Variants in ACY1 observed in about 807,000 individuals in gnomAD.
ACY1 encodes the protein aminoacylase-1.
Under a neutral mutation model 53.3 loss-of-function variants are expected in ACY1, and 38 were observed. The observed-to-expected ratio is 0.71, with a 90% CI of 0.55 to 0.93. The LOEUF (loss-of-function observed/expected upper bound fraction) is 0.93, where lower values mean the gene tolerates loss of function less well. ACY1 is among the 40% of genes least tolerant of loss of function. The pLI is 0.00. For missense variants in ACY1, 484 were observed against 540.9 expected (o/e 0.89, Z 1.04); for synonymous variants, 177 against 202.1 (o/e 0.88, Z 1.05).
chr3:51,986,629 T>C lies in ACY1; in HGVS notation c.551T>C (p.Phe184Ser). 6.2e-7 allele frequency: 1 copy of C among 1,614,156 alleles called. No homozygotes were observed. The highest frequency in any genetic ancestry group is 8.5e-7 in the Non-Finnish European group (1 of 1,180,020). ...GGCATAGCCAATCCCACTGATGCCT[T>C]CACTGTCTTTTATAGTGAGCGGAGT... ...DEGIANPTDAFTVFYSERSPW... is the reference protein window; with the variant it reads ...DEGIANPTDASTVFYSERSPW... Residue 184 changes from phenylalanine to serine, a missense_variant, in exon 8 of 15, where the codon TTC becomes TCC. Phe to Ser is a radical substitution (Grantham distance 155). Transcript: ENST00000636358.
In ACY1 at chr3:51,986,311, T is replaced by G. The variant is rs1701053280; in HGVS notation, c.416T>G (p.Ile139Ser). 1.4e-6 allele frequency: 2 copies of G among 1,414,200 alleles called. No individual in the cohort carries two copies. The highest frequency in any genetic ancestry group is 3.2e-5 in the African/African-American group (2 of 62,482). The allele number at this position is 1,414,200 out of a possible 1,614,324, so 87.6% of individuals were successfully genotyped here. A position where few individuals can be genotyped will look rare whatever the true frequency, so the allele number is the denominator to read the frequency against. ...GAGGGCCACCGGTTCCCCAGAACCA[T>G]CCACATGACCTTTGTGCCTGGTAGG... ...KVEGHRFPRT[I>S]HMTFVPDEEV... The change falls in exon 6 of 15, where the codon ATC becomes AGC. Residue 139 changes from isoleucine (I) to serine (S), a missense_variant. Physicochemically the swap from Ile to Ser is moderately radical, Grantham distance 142. Transcript: ENST00000636358.
In ACY1 at chr3:51,988,923, G is replaced by A; in HGVS notation, c.1075G>A (p.Ala359Thr). The change falls in exon 15 of 15, where the codon GCT (alanine) becomes ACT (threonine). Residue 359 changes from alanine to threonine, a missense_variant. Transcript: ENST00000636358. ...CTCACCCCTGCAGGTGGGGGTCCCAGCTCTAGGCTTCTCACCCATGAACCG... is the reference window on the plus strand; with the variant it reads ...CTCACCCCTGCAGGTGGGGGTCCCAACTCTAGGCTTCTCACCCATGAACCG... ...NRYIRAVGVPALGFSPMNRTP... is the reference protein window; with the variant it reads ...NRYIRAVGVPTLGFSPMNRTP... The A allele has an allele frequency of 6.2e-7, 1 of 1,614,214 alleles. No homozygotes were observed. The highest frequency in any genetic ancestry group is 1.1e-5 in the South Asian group (1 of 91,084).
At chr3:51,986,807 T>G in intron 8 of ACY1, 146 bp downstream of exon 8, 1 of 1,269,832 alleles carries the variant, frequency 7.9e-7, no homozygotes, top group Non-Finnish European at 1.1e-6. Context: ...CTTTCCTATC[T>G]GAGCTTCTCT....
chr3:51,984,149 C>G lies in ACY1; in HGVS notation c.85C>G (p.Pro29Ala). 2 of 1,613,916 alleles carry G rather than the reference C, an allele frequency of 1.2e-6. No individual in the cohort carries two copies. The highest frequency in any genetic ancestry group is 1.7e-6 in the Non-Finnish European group (2 of 1,179,978). Residue 29 changes from proline to alanine, a missense_variant, in exon 2 of 15, where the codon CCT (proline) becomes GCT (alanine). Coordinates refer to ENST00000636358, the MANE Select transcript of ACY1 (RefSeq NM_000666.3). ...GCGTATCCGCACTGTCCAGCCCAAGCCTGACTATGGTGAGAAGACGGTGGT... is the reference window on the plus strand; with the variant it reads ...GCGTATCCGCACTGTCCAGCCCAAGGCTGACTATGGTGAGAAGACGGTGGT... ...YLRIRTVQPK[P>A]DYGAAVAFFE...
Position 51,988,936 on chromosome 3 carries a change from C to A in ACY1, c.1088C>A (p.Ser363Ter). 6.2e-7 allele frequency: 1 copy of A among 1,614,248 alleles called. No individual in the cohort carries two copies. The highest frequency in any genetic ancestry group is 1.1e-5 in the South Asian group (1 of 91,090). The change falls in exon 15 of 15, where the codon TCA (serine) becomes TAA (stop). Residue 363 changes from serine (S) to a stop codon, truncating the protein, a stop_gained. Coordinates refer to ENST00000636358, the MANE Select transcript of ACY1 (RefSeq NM_000666.3). LOFTEE classifies it high-confidence loss of function. ...GTGGGGGTCCCAGCTCTAGGCTTCT[C>A]ACCCATGAACCGCACACCTGTGCTG... ...RAVGVPALGFSPMNRTPVLLH... is the reference protein window; with the variant it reads ...RAVGVPALGF
At chr3:51,985,340 T>C (rs758307659) in intron 3 of ACY1, 21 bp from the exon 4 acceptor site, 9 of 1,613,936 alleles carry the variant, frequency 5.6e-6, no homozygotes, top group Non-Finnish European at 7.6e-6. Flanking sequence ...TCAGACCACC[T>C]ACCCTCCTGA....
At chr3:51,984,919 G>C in intron 2 of ACY1, 1 of 523,806 alleles carries the variant, frequency 1.9e-6, no homozygotes, top group East Asian at 3.4e-5. Context: ...CTGAGAGATG[G>C]TGGGTGAATC....
intron 5 of ACY1, 72 bp downstream of exon 5, chr3:51,986,018 G>A (rs1012664287): frequency 2.1e-6 from 3 of 1,447,182 alleles, no homozygotes; most frequent in Admixed American, 3.8e-5. Flanking sequence ...GACCTGAGGG[G>A]GTGATTGGAG....
intron 12 of ACY1, chr3:51,988,157 C>T (rs1328976019): frequency 1.3e-5 from 5 of 377,826 alleles, no homozygotes; most frequent in Admixed American, 7.7e-5. Context: ...TGAGCCACTG[C>T]GCCCAGCCGT....
chr3:51,985,106 G>C, intron 2 of ACY1, 101 bp from the exon 3 acceptor site: 1 of 1,155,454 alleles, frequency 8.7e-7, no homozygotes, highest in Non-Finnish European at 1.3e-6. Context: ...TGTCGGGGAG[G>C]CAGCAGCCCA....
rs755339463 is a variant in ACY1 at position 51,987,336 on chromosome 3, G to C, written c.735G>C (p.Glu245Asp). ...QRLQSNPHLK[E>D]GSVTSVNLTK... ...TGCAGTCAAACCCCCACCTGAAAGA[G>C]GGGTCCGTGACCTCCGTGAACCTGA... is the stretch of plus-strand genomic sequence containing the variant. The change falls in exon 11 of 15, where the codon GAG becomes GAC. Residue 245 changes from glutamate (E) to aspartate (D), a missense_variant. Transcript: ENST00000636358. 2.5e-6 allele frequency: 4 copies of C among 1,614,122 alleles called. No individual in the cohort carries two copies. The highest frequency in any genetic ancestry group is 8.5e-7 in the Non-Finnish European group (1 of 1,180,022).
At chr3:51,986,155 G>T in intron 5 of ACY1, 100 bp from the exon 6 acceptor site, 1 of 1,296,306 alleles carries the variant, frequency 7.7e-7, no homozygotes, top group South Asian at 1.2e-5. Context: ...GGTGTGGCAG[G>T]GTAAAGTCCA....
Position 51,986,005 on chromosome 3 carries a change from C to G in ACY1, c.359+59C>G, listed in dbSNP as rs150031355. 107 of 1,511,460 alleles carry G rather than the reference C, an allele frequency of 7.1e-5. No homozygotes were observed. In the African/African-American group the frequency reaches 1.4e-3, roughly 19 times the overall value. The allele number at this position is 1,511,460 out of a possible 1,614,324, so 93.6% of individuals were successfully genotyped here. A position where few individuals can be genotyped will look rare whatever the true frequency, so the allele number is the denominator to read the frequency against. On this transcript the variant is annotated intron_variant, in intron 5 of 14. Transcript: ENST00000636358. ...TCCCCACTGGTCCAGTGGATTGAAGCAGGACCTGAGGGGGTGATTGGAGAA... is the reference window on the plus strand; with the variant it reads ...TCCCCACTGGTCCAGTGGATTGAAGGAGGACCTGAGGGGGTGATTGGAGAA...
chr3:51,989,065 G>C lies in ACY1; in HGVS notation c.1217G>C (p.Ser406Thr), dbSNP rs1194568745. Reference sequence around the variant, plus strand: ...CTTGCCAGTGTGCCTGCCCTGCCCAGTGACAGCTGAGCCCTGGAACTCCTA... The same window carrying C: ...CTTGCCAGTGTGCCTGCCCTGCCCACTGACAGCTGAGCCCTGGAACTCCTA... ...PALASVPALP[S>T]DS Residue 406 changes from serine to threonine, a missense_variant, in exon 15 of 15, where the codon AGT (serine) becomes ACT (threonine). Transcript: ENST00000636358. 6.2e-7 allele frequency: 1 copy of C among 1,613,778 alleles called. No individual in the cohort carries two copies. Among genetic ancestry groups the C allele is most frequent in the Admixed American group, 1.7e-5 (1 of 60,032 alleles).
At chr3:51,986,791 C>T in intron 8 of ACY1, 130 bp downstream of exon 8, 1 of 1,325,298 alleles carries the variant, frequency 7.5e-7, no homozygotes, top group East Asian at 2.3e-5. Flanking sequence ...CCTCTACCTC[C>T]CAGCTCTTTC....
intron 10 of ACY1, 56 bp from the exon 11 acceptor site, chr3:51,987,253 G>C: frequency 1.2e-6 from 2 of 1,614,006 alleles, no homozygotes; most frequent in Non-Finnish European, 1.7e-6. Context: ...ACAGAGGATA[G>C]AGTCTGAGCC....
intron 13 of ACY1, 64 bp downstream of exon 13, chr3:51,988,667 C>T: frequency 6.4e-7 from 1 of 1,564,468 alleles, no homozygotes; most frequent in Non-Finnish European, 8.8e-7. Context: ...CTGCTGCCCC[C>T]TCCCTTCTCC....
At chr3:51,983,951 G>C in intron 1 of ACY1, 96 bp from the exon 2 acceptor site, 1 of 870,380 alleles carries the variant, frequency 1.1e-6, no homozygotes, top group Non-Finnish European at 1.9e-6. Flanking sequence ...CTACCCCTGT[G>C]GGAAGTCCGG....
chr3:51,986,327 G>A lies in ACY1; in HGVS notation c.432G>A (p.Val144=), dbSNP rs1057055763. The change falls in exon 6 of 15, where the codon GTG becomes GTA. Residue 144 remains valine, a synonymous_variant. Transcript: ENST00000636358. Reference sequence around the variant, plus strand: ...CCAGAACCATCCACATGACCTTTGTGCCTGGTAGGAGTGGCTCAGATACCT... The same window carrying A: ...CCAGAACCATCCACATGACCTTTGTACCTGGTAGGAGTGGCTCAGATACCT... ...RFPRTIHMTF[V]PDEEVGGHQG... 6.2e-7 allele frequency: 1 copy of A among 1,610,462 alleles called. No individual in the cohort carries two copies. The highest frequency in any genetic ancestry group is 1.4e-5 in the African/African-American group (1 of 73,630).
Sources: gnomAD v4.1 joint callset for allele counts on GRCh38, gnomAD v4.1.1 for gene constraint, MANE v1.5 for transcripts, NCBI Gene and HGNC (gene_info 2026-07-23, HGNC 2026-07-21) for gene names.